The following ADAMTS6 variants were observed in gnomAD, a reference collection of about 807,000 sequenced individuals.
The protein encoded by ADAMTS6 is A disintegrin and metalloproteinase with thrombospondin motifs 6.
ADAMTS6 carries 23 observed loss-of-function variants against 144.3 expected under a neutral mutation model. That is an observed-to-expected ratio of 0.16 (90% CI 0.11 to 0.23). The LOEUF is 0.23. Ranked by LOEUF, ADAMTS6 falls within the 10% of genes least tolerant of loss-of-function variation. The pLI is 1.00. For synonymous variants in ADAMTS6, 444 were observed against 457.5 expected (o/e 0.97, Z 0.38); for missense variants, 999 against 1,379.6 (o/e 0.72, Z 4.37).
At chr5:65,206,838 T>A (rs865881662) in intron 20 of ADAMTS6, among the ~76,000 whole-genome samples, 164 of 145,096 alleles carry the variant, frequency 1.1e-3, no homozygotes, top group South Asian at 4.2e-3. Context: ...TCTCTCTCTC[T>A]CACACACACA....
chr5:65,160,569 G>A (rs1752703625), intron 24 of ADAMTS6, among the ~76,000 whole-genome samples: 1 of 151,950 alleles, frequency 6.6e-6, no homozygotes, highest in Admixed American at 6.6e-5. Context: ...CTCCCAAAGT[G>A]CTGGGATTAC....
chr5:65,450,546 T>C (rs76268663), intron 7 of ADAMTS6, among the ~76,000 whole-genome samples: 2,523 of 152,278 alleles, frequency 0.017, 30 homozygotes, highest in East Asian at 0.084. Flanking sequence ...GAGAGAATAA[T>C]GCTTCCATTT....
At chr5:65,451,689 A>G (rs1300661682) in intron 6 of ADAMTS6, 69 bp from the exon 7 acceptor site, 1 of 1,554,842 alleles carries the variant, frequency 6.4e-7, no homozygotes, top group Admixed American at 1.9e-5. Flanking sequence ...AAACTTTTGA[A>G]GACTGAAGTG....
chr5:65,218,268 G>T (rs1488190765), intron 18 of ADAMTS6, among the ~76,000 whole-genome samples: 3 of 152,162 alleles, frequency 2.0e-5, no homozygotes, highest in Non-Finnish European at 4.4e-5. Flanking sequence ...GGAGGGCTGA[G>T]CAAGCTCTAG....
chr5:65,273,233 A>AG, intron 12 of ADAMTS6, 107 bp downstream of exon 12: 1 of 924,096 alleles, frequency 1.1e-6, no homozygotes. Context: ...ATTATTTTCA[A>AG]GTAGATTTTA....
chr5:65,156,753 T>TA (rs1232672729), intron 24 of ADAMTS6, among the ~76,000 whole-genome samples: 2 of 152,322 alleles, frequency 1.3e-5, no homozygotes, highest in African/African-American at 4.8e-5. Flanking sequence ...TCTAAGCCAG[T>TA]GGGTCAAGGA....
At chr5:65,167,568 G>A (rs1349352888) in intron 24 of ADAMTS6, among the ~76,000 whole-genome samples, 5,088 of 142,266 alleles carry the variant, frequency 0.036, 106 homozygotes, top group Non-Finnish European at 0.051. Context: ...AAGCCGGGCA[G>A]AGACACAACC....
At chr5:65,429,991 T>A (rs183374085) in intron 7 of ADAMTS6, among the ~76,000 whole-genome samples, 1 of 152,084 alleles carries the variant, frequency 6.6e-6, no homozygotes, top group African/African-American at 2.4e-5. Context: ...TATTTACTAA[T>A]CTGTCTTAAA....
chr5:65,197,884 A>G (rs994411648), intron 20 of ADAMTS6, among the ~76,000 whole-genome samples: 7 of 151,886 alleles, frequency 4.6e-5, no homozygotes, highest in Non-Finnish European at 1.0e-4. Flanking sequence ...AAATATTCTC[A>G]TACAGTTTAT....
intron 14 of ADAMTS6, among the ~76,000 whole-genome samples, chr5:65,259,918 G>C (rs769819725): frequency 1.3e-5 from 2 of 152,180 alleles, no homozygotes; most frequent in Non-Finnish European, 2.9e-5. Context: ...ATAGGGGGAG[G>C]AAGAGTGATC....
intron 20 of ADAMTS6, among the ~76,000 whole-genome samples, chr5:65,200,849 G>A (rs1043473233): frequency 6.6e-6 from 1 of 152,110 alleles, no homozygotes; most frequent in Non-Finnish European, 1.5e-5. Context: ...GGTATATTCT[G>A]TTTAGAGACT....
At chr5:65,226,341 G>A in intron 15 of ADAMTS6, 122 bp from the exon 16 acceptor site, 5 of 999,594 alleles carry the variant, frequency 5.0e-6, no homozygotes, top group Non-Finnish European at 6.8e-6. Flanking sequence ...ATGCCTGATT[G>A]TGTAGGTTTC....
At chr5:65,174,279 G>A (rs1187861624) in intron 22 of ADAMTS6, among the ~76,000 whole-genome samples, 1 of 152,198 alleles carries the variant, frequency 6.6e-6, no homozygotes, top group Non-Finnish European at 1.5e-5. Flanking sequence ...CCCGTGGCTT[G>A]TTCTGCTACA....
intron 11 of ADAMTS6, among the ~76,000 whole-genome samples, chr5:65,278,385 T>G (rs1454110092): frequency 6.6e-6 from 1 of 152,238 alleles, no homozygotes. Context: ...GACCTACTTT[T>G]AACTCTTTAA....
chr5:65,253,268 C>T (rs1439723418), intron 14 of ADAMTS6, among the ~76,000 whole-genome samples: 1 of 152,118 alleles, frequency 6.6e-6, no homozygotes, highest in African/African-American at 2.4e-5. Context: ...AGATTCATGG[C>T]AATAAATAAA....
chr5:65,393,501 G>A (rs1265828321), intron 7 of ADAMTS6, among the ~76,000 whole-genome samples: 1 of 152,148 alleles, frequency 6.6e-6, no homozygotes, highest in East Asian at 1.9e-4. Flanking sequence ...TCCTTGAGGT[G>A]TATTAGGACA....
At position 65,416,972 on chromosome 5, in the gene ADAMTS6, A is replaced by G. The variant is rs192752831; in HGVS notation, c.1073+34503T>C. Reference sequence around the variant, plus strand: ...ATCCCTGATTAACACAGGAGCAAAAATCCTCAACAAAATACTAGAAAACTG... The same window carrying G: ...ATCCCTGATTAACACAGGAGCAAAAGTCCTCAACAAAATACTAGAAAACTG... On this transcript the variant is annotated intron_variant, in intron 7 of 24. Transcript: ENST00000381055. Among the ~76,000 whole-genome samples the G allele has an allele frequency of 3.9e-4, 59 of 152,160 alleles. 1 individual carries two copies. Among genetic ancestry groups the G allele is most frequent in the Non-Finnish European group, 7.4e-4 (50 of 67,992 alleles).
intron 7 of ADAMTS6, among the ~76,000 whole-genome samples, chr5:65,340,322 C>G (rs948117787): frequency 6.6e-6 from 1 of 151,980 alleles, no homozygotes; most frequent in Non-Finnish European, 1.5e-5. Flanking sequence ...CACAGACAAG[C>G]AAAACCTAAG....
chr5:65,193,696 G>A (rs1410466177), intron 21 of ADAMTS6, among the ~76,000 whole-genome samples: 1 of 152,034 alleles, frequency 6.6e-6, no homozygotes, highest in East Asian at 1.9e-4. Flanking sequence ...ACTAACATGT[G>A]CTTCCATTTG....
Sources: allele counts gnomAD v4.1 joint callset (sites outside exome capture counted in the v4.1 genomes callset), GRCh38; gene constraint gnomAD v4.1.1; transcripts MANE v1.5; gene names NCBI Gene and HGNC (gene_info 2026-07-23, HGNC 2026-07-21).